The following MYH6 variants were observed in gnomAD, a reference collection of about 807,000 sequenced individuals.
The protein encoded by MYH6 is myosin heavy chain 6, also known as myosin-6.
In MYH6, 126 loss-of-function variants were observed where a neutral mutation model predicts 223.2. That is an observed-to-expected ratio of 0.56 (90% CI 0.49 to 0.65). MYH6 has a LOEUF of 0.65. MYH6 is among the 30% of genes least tolerant of loss of function. The pLI, the probability that MYH6 is intolerant of heterozygous loss-of-function variation, is 0.00. For synonymous variants in MYH6, 978 were observed against 1,010.2 expected (o/e 0.97, Z 0.61); for missense variants, 2,040 against 2,536.4 (o/e 0.80, Z 4.20).
chr14:23,396,402 G>T lies in MYH6; in HGVS notation c.2311C>A (p.Leu771Met), dbSNP rs982571968. Residue 771 changes from leucine to methionine, a missense_variant, in exon 20 of 39, where the codon CTG (leucine) becomes ATG (methionine). Leu to Met is a conservative substitution (Grantham distance 15). Transcript: ENST00000405093. ...CGCATCTCCTCCAGCAGCCCAAGCA[G>T]CCCTGCCTTGAAGAACACCTGCAGG... ...GHTKVFFKAG[L>M]LGLLEEMRDE... The T allele has an allele frequency of 1.2e-6, 2 of 1,613,802 alleles. No individual in the cohort carries two copies. Among genetic ancestry groups the T allele is most frequent in the Non-Finnish European group, 1.7e-6 (2 of 1,180,052 alleles).
chr14:23,398,836 G>C lies in MYH6; in HGVS notation c.1783C>G (p.Leu595Val), dbSNP rs759236619. 1.9e-6 allele frequency: 3 copies of C among 1,614,188 alleles called. No individual in the cohort carries two copies. Among genetic ancestry groups the C allele is most frequent in the Non-Finnish European group, 2.5e-6 (3 of 1,180,024 alleles). Residue 595 changes from leucine (L) to valine (V), a missense_variant, in exon 15 of 39, where the codon CTG becomes GTG. This residue lies in a region of MYH6 where 649 missense variants were observed against 877.3 expected (regional missense o/e 0.74). Transcript: ENST00000405093. ...TTGAGAGGATCCTTGTTTTTTTCCAGCCAGCCCAGGATGTTGTAGTCCACA... is the reference window on the plus strand; with the variant it reads ...TTGAGAGGATCCTTGTTTTTTTCCACCCAGCCCAGGATGTTGTAGTCCACA... ...GTVDYNILGW[L>V]EKNKDPLNET...
Position 23,402,572 on chromosome 14 carries a change from C to T in MYH6, c.1033G>A (p.Glu345Lys), listed in dbSNP as rs1891637418. Residue 345 changes from glutamate (E) to lysine (K), a missense_variant, in exon 12 of 39, where the codon GAG (glutamate) becomes AAG (lysine). By Grantham distance (56) the Glu-to-Lys change is moderately conservative (BLOSUM62 1). Coordinates refer to ENST00000405093, the MANE Select transcript of MYH6 (RefSeq NM_002471.4). Reference protein sequence around the residue: ...SAFDVLGFTSEEKAGVYKLTG... With the variant: ...SAFDVLGFTSKEKAGVYKLTG... ...AGCTTGTAGACGCCAGCTTTCTCCT[C>T]TGAAGTGAAGCCCAGCACGTCAAAG... 1 of 1,613,674 alleles carries T rather than the reference C, an allele frequency of 6.2e-7. No homozygotes were observed. The highest frequency in any genetic ancestry group is 1.7e-5 in the Admixed American group (1 of 59,958).
At chr14:23,383,409 T>C in intron 36 of MYH6, 89 bp from the exon 37 acceptor site, 1 of 996,166 alleles carries the variant, frequency 1.0e-6, no homozygotes, top group South Asian at 1.4e-5. Flanking sequence ...CTTCTCCCCT[T>C]GCCTTTGCTG....
rs202141059 is a variant in MYH6, at chr14:23,384,531, C to G, written c.5476G>C (p.Gly1826Arg). Residue 1826 changes from glycine to arginine, a missense_variant, in exon 36 of 39, where the codon GGT (glycine) becomes CGT (arginine). Gly to Arg is a moderately radical substitution (Grantham distance 125, BLOSUM62 -2). Around this residue, in one of 4 missense-constraint regions of MYH6, gnomAD observed 1,203 missense variants for 1,400.2 expected, o/e 0.86. Coordinates refer to ENST00000405093, the MANE Select transcript of MYH6 (RefSeq NM_002471.4). ...KLEARVRELEGELEAEQKRNA... is the reference protein window; with the variant it reads ...KLEARVRELERELEAEQKRNA... ...CGCTTCTGCTCGGCCTCCAGCTCAC[C>G]CTCCAGCTCCCGCACCCGCGCTTCC... 1.9e-6 allele frequency: 3 copies of G among 1,613,278 alleles called. No individual in the cohort carries two copies. Among genetic ancestry groups the G allele is most frequent in the Non-Finnish European group, 2.5e-6 (3 of 1,180,040 alleles).
At chr14:23,400,016 A>G in intron 14 of MYH6, 1 of 600,962 alleles carries the variant, frequency 1.7e-6, no homozygotes, top group Non-Finnish European at 2.9e-6. Flanking sequence ...CCTTCACTAC[A>G]TCTCACTCTT....
At chr14:23,382,107 G>A (rs769162658) in intron 38 of MYH6, 44 bp from the exon 39 acceptor site, 4 of 1,568,024 alleles carry the variant, frequency 2.6e-6, no homozygotes, top group Non-Finnish European at 3.5e-6. Flanking sequence ...TGGCAAGAGG[G>A]AGAAGTGTGT....
At chr14:23,383,511 A>G (rs2138579931) in intron 36 of MYH6, among the ~76,000 whole-genome samples, 191 bp from the exon 37 acceptor site, 1 of 152,334 alleles carries the variant, frequency 6.6e-6, no homozygotes, top group East Asian at 1.9e-4. Context: ...GTTGTCAGTC[A>G]GGGATCCACA....
intron 15 of MYH6, among the ~76,000 whole-genome samples, chr14:23,397,932 CTCTTCTTCTTCTTCT>C (rs55907025): frequency 0.01 from 911 of 89,846 alleles, 29 homozygotes; most frequent in African/African-American, 0.012. Flanking sequence ...CCTCCTCCTC[CTCTTCTTCTTCTTCT>C]TCTTCTTCTT....
chr14:23,387,537 C>G lies in MYH6; in HGVS notation c.4642G>C (p.Glu1548Gln). Residue 1548 changes from glutamate (E) to glutamine (Q), a missense_variant, in exon 32 of 39, where the codon GAG (glutamate) becomes CAG (glutamine). Glu to Gln is a conservative substitution (Grantham distance 29). Transcript: ENST00000405093. ...GAGTTCTCGGCCCTCACCTCTGCCT[C>G]CTCCAGGGCTGACTGCAGCTCCAGC... is the stretch of plus-strand genomic sequence containing the variant. ...EKLELQSALE[E>Q]AEASLEHEEG... The G allele has an allele frequency of 6.2e-7, 1 of 1,613,834 alleles. No homozygotes were observed. The highest frequency in any genetic ancestry group is 8.5e-7 in the Non-Finnish European group (1 of 1,180,028).
intron 20 of MYH6, among the ~76,000 whole-genome samples, chr14:23,395,603 T>C (rs1417919647): frequency 6.6e-6 from 1 of 152,092 alleles, no homozygotes; most frequent in Non-Finnish European, 1.5e-5. Context: ...CTTGGCTCAC[T>C]GCAAGCTCTG....
chr14:23,397,929 C>CTCTTCT (rs1891449961), intron 15 of MYH6, among the ~76,000 whole-genome samples: 1 of 123,058 alleles, frequency 8.1e-6, no homozygotes, highest in African/African-American at 3.3e-5. Flanking sequence ...CCTCCTCCTC[C>CTCTTCT]TCCTCTTCTT....
At position 23,384,987 on chromosome 14, in the gene MYH6, G is replaced by A; in HGVS notation, c.5218C>T (p.Gln1740Ter). 1 of 1,614,218 alleles carries A rather than the reference G, an allele frequency of 6.2e-7. No individual in the cohort carries two copies. Among genetic ancestry groups the A allele is most frequent in the Non-Finnish European group, 8.5e-7 (1 of 1,180,044 alleles). The change falls in exon 35 of 39, where the codon CAG becomes TAG. Residue 1740 changes from glutamine to a stop codon, truncating the protein, a stop_gained. Transcript: ENST00000405093. LOFTEE classifies it high-confidence loss of function. The stretch of plus-strand genomic sequence containing the variant: ...TGCACTGCCTCCTCCACTTCCGACT[G>A]GAGCTGGGTCAGATCCGACTCCATC... Reference protein sequence around the residue: ...KKMESDLTQLQSEVEEAVQEC... With the variant: ...KKMESDLTQL
chr14:23,400,619 G>C, intron 13 of MYH6, 90 bp downstream of exon 13: 1 of 1,606,206 alleles, frequency 6.2e-7, no homozygotes, highest in Admixed American at 1.7e-5. Context: ...GCCTTCCCAT[G>C]TCTGGTCCAC....
In MYH6 at chr14:23,405,085, A is replaced by C. The variant is rs771353936; in HGVS notation, c.530+15T>G. The C allele has an allele frequency of 2.5e-6, 4 of 1,613,992 alleles. No homozygotes were observed. In the Admixed American group the frequency reaches 6.7e-5, roughly 27 times the overall value. On this transcript the variant is annotated intron_variant, in intron 6 of 38. Coordinates refer to ENST00000405093, the MANE Select transcript of MYH6 (RefSeq NM_002471.4). The surrounding 1 kb of genome is among the most constrained non-coding windows in gnomAD (Gnocchi z 4.7). ...CCAGCCCAGTCCCTTCTGTGGGAGG[A>C]TGGCACTCGCTCACGTGATGAGGAT...
In MYH6 at chr14:23,401,431, G is replaced by A. The variant is rs79539667; in HGVS notation, c.1142-454C>T. 2.2e-3 allele frequency among the ~76,000 whole-genome samples: 341 copies of A among 152,370 alleles called. 1 individual carries two copies. Among genetic ancestry groups the A allele is most frequent in the African/African-American group, 7.6e-3 (315 of 41,580 alleles). The stretch of plus-strand genomic sequence containing the variant: ...CAAGGCCTGGAAGAGCACAGGGCTT[G>A]CCTTGGTTACTCAACCAACGTGTGC... On this transcript the variant is annotated intron_variant, in intron 12 of 38. Transcript: ENST00000405093.
intron 15 of MYH6, among the ~76,000 whole-genome samples, chr14:23,398,110 C>A (rs909497768): frequency 6.6e-6 from 1 of 151,710 alleles, no homozygotes; most frequent in Non-Finnish European, 1.5e-5. Context: ...CTCCGTCGCC[C>A]GGATTCAAGC....
chr14:23,389,824 A>C (rs1891176498), intron 26 of MYH6, 105 bp from the exon 27 acceptor site: 1 of 1,590,210 alleles, frequency 6.3e-7, no homozygotes. Flanking sequence ...GGAGGGGGAC[A>C]CAGAAGGTGT....
rs11847151 is a variant in MYH6 at position 23,396,366 on chromosome 14, G to A, written c.2347C>T (p.Leu783=). 6.2e-7 allele frequency: 1 copy of A among 1,614,062 alleles called. No individual in the cohort carries two copies. Among genetic ancestry groups the A allele is most frequent in the Non-Finnish European group, 8.5e-7 (1 of 1,180,046 alleles). The stretch of plus-strand genomic sequence containing the variant: ...TGCATGCGCGTGATGATGCGGCTCA[G>A]CCTCTCATCCCGCATCTCCTCCAGC... ...GLLEEMRDER[L]SRIITRMQAQ... Residue 783 remains leucine, a synonymous_variant, in exon 20 of 39, where the codon CTG becomes TTG. Transcript: ENST00000405093.
intron 3 of MYH6, among the ~76,000 whole-genome samples, chr14:23,406,308 T>C (rs370141929): frequency 3.9e-5 from 6 of 152,312 alleles, no homozygotes; most frequent in Non-Finnish European, 5.9e-5. Flanking sequence ...TGCCAGTAGG[T>C]ATTCCAGTGT....
Sources: gnomAD v4.1 joint callset for allele counts (sites outside exome capture counted in the v4.1 genomes callset) on GRCh38, gnomAD v4.1.1 for gene constraint, gnomAD v4.1.1 regional missense constraint, Gnocchi (gnomAD v3.1) non-coding constraint, MANE v1.5 for transcripts, NCBI Gene and HGNC (gene_info 2026-07-23, HGNC 2026-07-21) for gene names.